Variants in TRIP12 observed in about 807,000 individuals in gnomAD.
The protein encoded by TRIP12 is E3 ubiquitin-protein ligase TRIP12.
In TRIP12, 25 loss-of-function variants were observed where a neutral mutation model predicts 244.2. That is an observed-to-expected ratio of 0.10 (90% CI 0.07 to 0.14). TRIP12 has a LOEUF of 0.14. Among genes scored for constraint, TRIP12 ranks in the 10% least tolerant of loss-of-function variants. The probability of loss-of-function intolerance (pLI) is 1.00; values close to 1 mark genes in which losing one functional copy is unlikely to be tolerated. For missense variants in TRIP12, 1,677 were observed against 2,486.4 expected (o/e 0.67, Z 6.92); for synonymous variants, 905 against 873.1 (o/e 1.04, Z -0.64).
chr2:229,820,872 G>A (rs1307851981), intron 8 of TRIP12, among the ~76,000 whole-genome samples: 1 of 152,152 alleles, frequency 6.6e-6, no homozygotes, highest in Non-Finnish European at 1.5e-5. Flanking sequence ...TTACAGACAT[G>A]AGCCACCGCG....
intron 1 of TRIP12, among the ~76,000 whole-genome samples, chr2:229,906,303 CAA>C (rs34519454): frequency 1.3e-4 from 13 of 98,950 alleles, no homozygotes; most frequent in Admixed American, 2.2e-4. Flanking sequence ...GAGACTGTCT[CAA>C]AAAAAAAAAA....
intron 1 of TRIP12, among the ~76,000 whole-genome samples, chr2:229,903,891 C>T (rs915215226): frequency 6.6e-6 from 1 of 150,876 alleles, no homozygotes; most frequent in Non-Finnish European, 1.5e-5. Context: ...AAAAATTAGC[C>T]AGGCATCGTG....
At chr2:229,891,000 G>A (rs1171158695) in intron 1 of TRIP12, among the ~76,000 whole-genome samples, 1 of 152,164 alleles carries the variant, frequency 6.6e-6, no homozygotes, top group Non-Finnish European at 1.5e-5. Flanking sequence ...ATAATAGGCT[G>A]GGTGCAATGT....
chr2:229,791,913 G>A lies in TRIP12; in HGVS notation c.4368C>T (p.Ser1456=), dbSNP rs189577450. 3.1e-6 allele frequency: 5 copies of A among 1,614,102 alleles called. No homozygotes were observed. In the Admixed American group the frequency reaches 8.3e-5, roughly 27 times the overall value. Residue 1456 remains serine, a synonymous_variant, in exon 29 of 42, where the codon AGC becomes AGT. Coordinates refer to ENST00000675903, the MANE Select transcript of TRIP12 (RefSeq NM_001348323.3). ...EDERESTDDE[S]NPLGRAGIWT... is the part of the protein sequence containing the mutation. ...AAATACCAGCTCTGCCTAGAGGATT[G>A]CTCTCATCATCTGTGGATTCTCTTT... is the stretch of plus-strand genomic sequence containing the variant.
intron 16 of TRIP12, 47 bp from the exon 17 acceptor site, chr2:229,807,911 G>A: frequency 6.5e-7 from 1 of 1,546,678 alleles, no homozygotes; most frequent in Non-Finnish European, 8.8e-7. Context: ...TGAAATATTA[G>A]TAAACGTTAG....
At position 229,859,877 on chromosome 2, in the gene TRIP12, C is replaced by T. The variant is rs1030073012; in HGVS notation, c.225-303G>A. On this transcript the variant is annotated intron_variant, in intron 3 of 41. Transcript: ENST00000675903. ...ACAAGAAAAACAACACTTAATTGTT[C>T]GGAACCAGAGGAAGCCAGAATATTG... 3.3e-5 allele frequency among the ~76,000 whole-genome samples: 5 copies of T among 152,132 alleles called. No homozygotes were observed. The East Asian group carries it at 9.6e-4, about 29-fold the overall frequency.
chr2:229,858,827 A>G lies in TRIP12; in HGVS notation c.972T>C (p.Ser324=). The part of the protein sequence containing the change: ...LPKTKLSLPG[S]SKSETSKPGP... ...CAGGTTTTGATGTCTCTGACTTAGAAGACCCTGGAAGAGACAGTTTTGTTT... is the reference window on the plus strand; with the variant it reads ...CAGGTTTTGATGTCTCTGACTTAGAGGACCCTGGAAGAGACAGTTTTGTTT... Residue 324 remains serine, a synonymous_variant, in exon 4 of 42, where the codon TCT becomes TCC. Coordinates refer to ENST00000675903, the MANE Select transcript of TRIP12 (RefSeq NM_001348323.3). 6.2e-7 allele frequency: 1 copy of G among 1,613,110 alleles called. No individual in the cohort carries two copies. The highest frequency in any genetic ancestry group is 2.2e-5 in the East Asian group (1 of 44,858).
intron 23 of TRIP12, 117 bp downstream of exon 23, chr2:229,798,758 A>G (rs2043444069): frequency 8.8e-7 from 1 of 1,136,342 alleles, no homozygotes. Context: ...GCTTTTAAGA[A>G]CAAATTAAAG....
intron 1 of TRIP12, among the ~76,000 whole-genome samples, chr2:229,886,424 T>C (rs2066025278): frequency 6.6e-6 from 1 of 152,078 alleles, no homozygotes; most frequent in East Asian, 1.9e-4. Flanking sequence ...TCAAAACCAT[T>C]TGAATGTGAT....
intron 1 of TRIP12, among the ~76,000 whole-genome samples, chr2:229,905,081 C>A: frequency 6.6e-6 from 1 of 152,120 alleles, no homozygotes; most frequent in East Asian, 1.9e-4. Flanking sequence ...TCGAGACCTG[C>A]CTGACCAACA....
chr2:229,851,851 G>A (rs752687843), intron 4 of TRIP12, among the ~76,000 whole-genome samples: 11 of 152,112 alleles, frequency 7.2e-5, no homozygotes, highest in Non-Finnish European at 1.0e-4. Flanking sequence ...AACTCCAGAC[G>A]CGCCACCTTA....
intron 8 of TRIP12, among the ~76,000 whole-genome samples, chr2:229,821,144 A>T (rs1257575820): frequency 2.6e-5 from 4 of 152,162 alleles, no homozygotes; most frequent in Non-Finnish European, 5.9e-5. Flanking sequence ...ATAAAAACTG[A>T]ATTATATTTA....
At chr2:229,783,436 T>G (rs996084740) in intron 34 of TRIP12, among the ~76,000 whole-genome samples, 1 of 152,218 alleles carries the variant, frequency 6.6e-6, no homozygotes, top group Non-Finnish European at 1.5e-5. Flanking sequence ...TAACAAGTTT[T>G]AAGTTTATGA....
chr2:229,865,155 T>A (rs1245299276), intron 2 of TRIP12, among the ~76,000 whole-genome samples: 2 of 151,252 alleles, frequency 1.3e-5, no homozygotes, highest in Non-Finnish European at 2.9e-5. Context: ...CCACAAAAAA[T>A]ACAAAAATTA....
At chr2:229,771,406 C>A in intron 39 of TRIP12, 113 bp downstream of exon 39, 1 of 782,438 alleles carries the variant, frequency 1.3e-6, no homozygotes. Flanking sequence ...CCCCTGCTAT[C>A]TAACACCCAT....
chr2:229,910,653 G>A (rs907545910), intron 1 of TRIP12, among the ~76,000 whole-genome samples: 37 of 152,176 alleles, frequency 2.4e-4, no homozygotes, highest in Admixed American at 2.1e-3. Context: ...AATACTAGAT[G>A]GTTAGAAGAG....
intron 38 of TRIP12, 46 bp from the exon 39 acceptor site, chr2:229,771,678 T>A (rs375303592): frequency 3.5e-6 from 5 of 1,442,640 alleles, no homozygotes; most frequent in African/African-American, 1.4e-5. Context: ...ATTTCAAATC[T>A]CTTTACTATT....
rs1042893277 is a variant in TRIP12, at chr2:229,866,917, T to G, written c.99-6386A>C. ...CAGGCAAAGGCAGAGGCAGGAAATTTTAAAGCCCATACAGTAACTGGCAAA... is the reference window on the plus strand; with the variant it reads ...CAGGCAAAGGCAGAGGCAGGAAATTGTAAAGCCCATACAGTAACTGGCAAA... On this transcript the variant is annotated intron_variant, in intron 2 of 41. Transcript: ENST00000675903. Among the ~76,000 whole-genome samples the G allele has an allele frequency of 9.8e-5, 15 of 152,308 alleles. No homozygotes were observed. In the East Asian group the frequency reaches 2.3e-3, roughly 23 times the overall value.
intron 2 of TRIP12, among the ~76,000 whole-genome samples, chr2:229,862,779 G>A (rs1048738870): frequency 3.3e-5 from 5 of 152,138 alleles, no homozygotes; most frequent in African/African-American, 1.2e-4. Context: ...GCTTATGTTA[G>A]ATCCACCTAA....
Sources: gnomAD v4.1 joint callset for allele counts (sites outside exome capture counted in the v4.1 genomes callset) on GRCh38, gnomAD v4.1.1 for gene constraint, MANE v1.5 for transcripts, NCBI Gene and HGNC (gene_info 2026-07-23, HGNC 2026-07-21) for gene names.